MAP3K4: variants seen among roughly 807,000 people sequenced by gnomAD.
The protein encoded by MAP3K4 is mitogen-activated protein kinase kinase kinase 4, also known as MAP three kinase 1.
In MAP3K4, 67 loss-of-function variants were observed where a neutral mutation model predicts 185.6. The observed-to-expected ratio is 0.36, with a 90% CI of 0.30 to 0.44. The LOEUF (loss-of-function observed/expected upper bound fraction) is 0.44. Ranked by LOEUF, MAP3K4 falls within the 20% of genes least tolerant of loss-of-function variation. The pLI, the probability that MAP3K4 is intolerant of heterozygous loss-of-function variation, is 1.00. For synonymous variants in MAP3K4, 702 were observed against 710.4 expected, an observed-to-expected ratio of 0.99 and a Z score of 0.19; for missense variants, 1,551 against 1,995.1, an observed-to-expected ratio of 0.78 and a Z score of 4.24.
intron 11 of MAP3K4, 67 bp downstream of exon 11, chr6:161,089,538 T>C: frequency 1.3e-6 from 2 of 1,546,718 alleles, no homozygotes; most frequent in Non-Finnish European, 1.8e-6. Context: ...TGTGGTAATG[T>C]GTGTAAGGTA....
chr6:161,002,008 T>A (rs1037335196), intron 1 of MAP3K4, among the ~76,000 whole-genome samples: 33 of 151,430 alleles, frequency 2.2e-4, no homozygotes, highest in Non-Finnish European at 4.0e-4. Flanking sequence ...CAAGAAACAT[T>A]TCCCCCCCAA....
chr6:161,054,752 A>G lies in MAP3K4; in HGVS notation c.1707+4773A>G, dbSNP rs1163441819. Among the ~76,000 whole-genome samples, 5 of 152,232 alleles carry G rather than the reference A, an allele frequency of 3.3e-5. No individual in the cohort carries two copies. Among genetic ancestry groups the G allele is most frequent in the African/African-American group, 2.4e-5 (1 of 41,462 alleles). ...ATCTTGAAAATACTTATCTATAGAA[A>G]CAGTGTTGTAAATAAGAGAGTCTCA... On this transcript the variant is annotated intron_variant, in intron 3 of 26. Coordinates refer to ENST00000392142, the MANE Select transcript of MAP3K4 (RefSeq NM_005922.4). The surrounding 1 kb of genome is among the most constrained non-coding windows in gnomAD (Gnocchi z 4.2).
In MAP3K4 at chr6:161,054,891, C is replaced by T. The variant is rs1583173283; in HGVS notation, c.1707+4912C>T. On this transcript the variant is annotated intron_variant, in intron 3 of 26. Transcript: ENST00000392142. This position sits in a 1 kb window ranked among gnomAD's most constrained non-coding sequence, Gnocchi z 4.2. ...GGGAAAAAATAAGAGGAAACCTTAC[C>T]CTCCCCCATATCCATTTGTGGACCC... 2.0e-5 allele frequency among the ~76,000 whole-genome samples: 3 copies of T among 152,144 alleles called. No homozygotes were observed. Among genetic ancestry groups the T allele is most frequent in the Admixed American group, 1.3e-4 (2 of 15,276 alleles).
chr6:161,062,521 C>A (rs1784528256), intron 3 of MAP3K4, among the ~76,000 whole-genome samples: 1 of 152,114 alleles, frequency 6.6e-6, no homozygotes, highest in African/African-American at 2.4e-5. Context: ...GACACCTGTT[C>A]TTTAGTAGAT....
At chr6:161,058,199 G>T (rs866915986) in intron 3 of MAP3K4, among the ~76,000 whole-genome samples, 1 of 152,204 alleles carries the variant, frequency 6.6e-6, no homozygotes, top group African/African-American at 2.4e-5. Context: ...GTTACATTTT[G>T]TCCCACACAG....
chr6:161,098,250 G>T lies in MAP3K4; in HGVS notation c.3525-28G>T. On this transcript the variant is annotated intron_variant, in intron 16 of 26. Transcript: ENST00000392142. This position sits in a 1 kb window ranked among gnomAD's most constrained non-coding sequence, Gnocchi z 4.4. ...AAGTCCGTTCCCTCTTCTCACATGT[G>T]TTCCTGAAGCTTTTCTTCTTGTCTT... 6.3e-7 allele frequency: 1 copy of T among 1,599,352 alleles called. No homozygotes were observed.
At chr6:161,092,225 T>C (rs1777350147) in intron 13 of MAP3K4, 82 bp downstream of exon 13, 2 of 1,488,856 alleles carry the variant, frequency 1.3e-6, no homozygotes, top group East Asian at 4.5e-5. Context: ...GGGATTCTTT[T>C]TGAGCAGACG....
At chr6:161,000,441 G>A (rs1266817109) in intron 1 of MAP3K4, among the ~76,000 whole-genome samples, 1 of 152,162 alleles carries the variant, frequency 6.6e-6, no homozygotes, top group African/African-American at 2.4e-5. Context: ...ATTGTTACCC[G>A]AAGGCAAGAG....
chr6:161,102,767 A>G lies in MAP3K4; in HGVS notation c.3844A>G (p.Ser1282Gly). 1 of 1,550,204 alleles carries G rather than the reference A, an allele frequency of 6.5e-7. No homozygotes were observed. The highest frequency in any genetic ancestry group is 1.2e-5 in the South Asian group (1 of 85,046). The change falls in exon 19 of 27, where the codon AGC becomes GGC. Residue 1282 changes from serine to glycine, a missense_variant. By Grantham distance (56) the Ser-to-Gly change is moderately conservative. Transcript: ENST00000392142. ...AAGTTGGGAACTTCGGACACTAATCAGCCAGAGTAAAGGTGAGAGAAAGAG... is the reference window on the plus strand; with the variant it reads ...AAGTTGGGAACTTCGGACACTAATCGGCCAGAGTAAAGGTGAGAGAAAGAG... ...RRSWELRTLI[S>G]QSKDTASKLG... is the part of the protein sequence containing the mutation.
rs756413092 is a variant in MAP3K4, at chr6:161,051,317, C to T, written c.1707+1338C>T. On this transcript the variant is annotated intron_variant, in intron 3 of 26. Coordinates refer to ENST00000392142, the MANE Select transcript of MAP3K4 (RefSeq NM_005922.4). The surrounding 1 kb of genome is among the most constrained non-coding windows in gnomAD (Gnocchi z 4.2). ...TAAACAACTTGGAAACTATGGAAAA[C>T]ACCTGAAGAGAACTTGAGTTTGCAA... Among the ~76,000 whole-genome samples the T allele has an allele frequency of 1.3e-5, 2 of 152,074 alleles. No individual in the cohort carries two copies. The highest frequency in any genetic ancestry group is 2.9e-5 in the Non-Finnish European group (2 of 68,024).
At chr6:161,011,663 T>G (rs1175850983) in intron 1 of MAP3K4, among the ~76,000 whole-genome samples, 1 of 152,194 alleles carries the variant, frequency 6.6e-6, no homozygotes, top group Non-Finnish European at 1.5e-5. Context: ...AGAGGTTTAC[T>G]TGGCTCTTTG....
chr6:161,034,643 T>C lies in MAP3K4; in HGVS notation c.343+194T>C, dbSNP rs368456138. ...AGTTTTCCAGAGATAGAAACGTTTGTCCTGAGTAATGGTTAAAGCCAGCAA... is the reference window on the plus strand; with the variant it reads ...AGTTTTCCAGAGATAGAAACGTTTGCCCTGAGTAATGGTTAAAGCCAGCAA... On this transcript the variant is annotated intron_variant, in intron 2 of 26. Transcript: ENST00000392142. The surrounding 1 kb of genome is among the most constrained non-coding windows in gnomAD (Gnocchi z 4.4). 4.6e-5 allele frequency among the ~76,000 whole-genome samples: 7 copies of C among 152,260 alleles called. No homozygotes were observed. Among genetic ancestry groups the C allele is most frequent in the African/African-American group, 1.7e-4 (7 of 41,558 alleles).
rs180718963 is a variant in MAP3K4 at position 161,017,232 on chromosome 6, C to T, written c.153-17027C>T. ...ATTTGTATAATTAAATGTAGGTTTT[C>T]GGAAATTGAGTGTTTCCTGTCTTAA... On this transcript the variant is annotated intron_variant, in intron 1 of 26. Coordinates refer to ENST00000392142, the MANE Select transcript of MAP3K4 (RefSeq NM_005922.4). The surrounding 1 kb of genome is among the most constrained non-coding windows in gnomAD (Gnocchi z 5.1). 0.011 allele frequency among the ~76,000 whole-genome samples: 1,717 copies of T among 152,190 alleles called. 19 individuals are homozygous for T. Among genetic ancestry groups the T allele is most frequent in the Non-Finnish European group, 0.015 (998 of 67,988 alleles).
At chr6:161,031,301 A>G (rs192165597) in intron 1 of MAP3K4, among the ~76,000 whole-genome samples, 1 of 152,210 alleles carries the variant, frequency 6.6e-6, no homozygotes. Context: ...CAGCCACATT[A>G]ATTTTTCCAT....
intron 2 of MAP3K4, among the ~76,000 whole-genome samples, chr6:161,038,471 G>A (rs1410625632): frequency 6.6e-6 from 1 of 152,218 alleles, no homozygotes; most frequent in African/African-American, 2.4e-5. Flanking sequence ...AATGTGAACT[G>A]TTACATTATT....
At chr6:161,018,586 A>G (rs1782222966) in intron 1 of MAP3K4, among the ~76,000 whole-genome samples, 2 of 152,244 alleles carry the variant, frequency 1.3e-5, no homozygotes, top group African/African-American at 4.8e-5. Context: ...TTAATAGCCT[A>G]CAAAAAAACC....
At chr6:161,006,927 C>A (rs145615481) in intron 1 of MAP3K4, among the ~76,000 whole-genome samples, 118 of 152,226 alleles carry the variant, frequency 7.8e-4, no homozygotes, top group African/African-American at 2.4e-3. Context: ...TAATCAGGTT[C>A]TCTGTCATCT....
At position 161,064,743 on chromosome 6, in the gene MAP3K4, A is replaced by T. The variant is rs1377567409; in HGVS notation, c.1708-5865A>T. Among the ~76,000 whole-genome samples the T allele has an allele frequency of 6.6e-6, 1 of 152,206 alleles. No individual in the cohort carries two copies. The highest frequency in any genetic ancestry group is 6.5e-5 in the Admixed American group (1 of 15,280). ...TGCATGGTCTTAATATAGAATCTCT[A>T]AGATGGAGAGCACCCTTTCAATGAT... is the stretch of plus-strand genomic sequence containing the variant. On this transcript the variant is annotated intron_variant, in intron 3 of 26. Coordinates refer to ENST00000392142, the MANE Select transcript of MAP3K4 (RefSeq NM_005922.4). The surrounding 1 kb of genome is among the most constrained non-coding windows in gnomAD (Gnocchi z 4.3).
chr6:161,074,631 A>G lies in MAP3K4; in HGVS notation c.2097+1019A>G, dbSNP rs1430401612. On this transcript the variant is annotated intron_variant, in intron 5 of 26. Transcript: ENST00000392142. The surrounding 1 kb of genome is among the most constrained non-coding windows in gnomAD (Gnocchi z 5.0). The stretch of plus-strand genomic sequence containing the variant: ...TTGAAATTCTCTTGTTTTCCATAGT[A>G]TCTGATAGTGTTCATGTATCGTAAG... 6.6e-6 allele frequency among the ~76,000 whole-genome samples: 1 copy of G among 152,256 alleles called. No homozygotes were observed. The highest frequency in any genetic ancestry group is 1.5e-5 in the Non-Finnish European group (1 of 68,054).
Sources: gnomAD v4.1 joint callset for allele counts (sites outside exome capture counted in the v4.1 genomes callset) on GRCh38, gnomAD v4.1.1 for gene constraint, Gnocchi (gnomAD v3.1) non-coding constraint, MANE v1.5 for transcripts, NCBI Gene and HGNC (gene_info 2026-07-23, HGNC 2026-07-21) for gene names.